The following RIPOR3 variants were observed in gnomAD, a reference collection of about 807,000 sequenced individuals.
RIPOR3 encodes the protein family with sequence similarity 65 member C.
RIPOR3 carries 95 observed loss-of-function variants against 114.3 expected under a neutral mutation model. The observed-to-expected ratio is 0.83, with a 90% confidence interval of 0.70 to 0.99. The LOEUF is 0.99. Among genes scored for constraint, RIPOR3 ranks in the 50% least tolerant of loss-of-function variants. RIPOR3 has a pLI of 0.00. For synonymous variants in RIPOR3, 575 were observed against 543.8 expected, an observed-to-expected ratio of 1.06 and a Z score of -0.80; for missense variants, 1,252 against 1,266.9, an observed-to-expected ratio of 0.99 and a Z score of 0.18.
rs187528729 is a variant in RIPOR3 at position 50,594,200 on chromosome 20, C to T, written c.2212+353G>A. ...CTGAGGCAGAAGAATCGCTTGAACC[C>T]GGGAGGTAGAGGTTGCAGTGAGCCA... On this transcript the variant is annotated intron_variant, in intron 17 of 21. Coordinates refer to ENST00000327979, the MANE Select transcript of RIPOR3 (RefSeq NM_001290268.2). Among the ~76,000 whole-genome samples, 44 of 149,732 alleles carry T rather than the reference C, an allele frequency of 2.9e-4. No homozygotes were observed. In the East Asian group the frequency reaches 4.1e-3, roughly 14 times the overall value.
rs1568806691 is a variant in RIPOR3, at chr20:50,587,261, C to T, written c.2824G>A (p.Glu942Lys). Residue 942 changes from glutamate to lysine, a missense_variant, in exon 22 of 22, where the codon GAG becomes AAG. Glu to Lys is a moderately conservative substitution (Grantham distance 56). Coordinates refer to ENST00000327979, the MANE Select transcript of RIPOR3 (RefSeq NM_001290268.2). Reference sequence around the variant, plus strand: ...AATATTGTGATTTCAACATCTGCCTCCTGGCAAAAGACTTCTCTTTGTTCT... The same window carrying T: ...AATATTGTGATTTCAACATCTGCCTTCTGGCAAAAGACTTCTCTTTGTTCT... ...CSEQREVFCQEADVEITIF is the reference protein window; with the variant it reads ...CSEQREVFCQKADVEITIF The T allele has an allele frequency of 4.3e-6, 7 of 1,614,212 alleles. No homozygotes were observed. Among genetic ancestry groups the T allele is most frequent in the Non-Finnish European group, 5.9e-6 (7 of 1,180,016 alleles).
rs1401461782 is a variant in RIPOR3 at position 50,587,807 on chromosome 20, G to A, written c.2747C>T (p.Ser916Leu). Reference protein sequence around the residue: ...VRAAARETTLSFGEKGRLAFE... With the variant: ...VRAAARETTLLFGEKGRLAFE... The stretch of plus-strand genomic sequence containing the variant: ...CAGTTTGTGCCACTTTTTACCGAAC[G>A]ACAGTGTGGTTTCCCGGGCTGCCGC... The change falls in exon 21 of 22, where the codon TCG becomes TTG. Residue 916 changes from serine to leucine, a missense_variant. Coordinates refer to ENST00000327979, the MANE Select transcript of RIPOR3 (RefSeq NM_001290268.2). 5 of 1,614,176 alleles carry A rather than the reference G, an allele frequency of 3.1e-6. No homozygotes were observed. Among genetic ancestry groups the A allele is most frequent in the Non-Finnish European group, 3.4e-6 (4 of 1,180,048 alleles).
intron 13 of RIPOR3, among the ~76,000 whole-genome samples, chr20:50,599,564 T>C (rs1211684050): frequency 6.6e-6 from 1 of 152,198 alleles, no homozygotes; most frequent in Non-Finnish European, 1.5e-5. Flanking sequence ...GCTCTGGGCT[T>C]GGGAGGCATT....
intron 14 of RIPOR3, chr20:50,597,375 C>T: frequency 1.5e-6 from 1 of 676,364 alleles, no homozygotes; most frequent in Non-Finnish European, 2.4e-6. Context: ...GGTGATCTCA[C>T]CCACTTCGTG....
intron 1 of RIPOR3, among the ~76,000 whole-genome samples, chr20:50,667,828 G>A (rs1286963102): frequency 6.6e-6 from 1 of 152,168 alleles, no homozygotes; most frequent in Non-Finnish European, 1.5e-5. Context: ...CATAGACCTG[G>A]GACACGTGCT....
rs753005467 is a variant in RIPOR3, at chr20:50,608,927, G to A, written c.669C>T (p.Pro223=). Residue 223 remains proline (P), a synonymous_variant, in exon 9 of 22, where the codon CCC becomes CCT. Transcript: ENST00000327979. The stretch of plus-strand genomic sequence containing the variant: ...GTGGCCGTACCTCATAGTGGTCTCC[G>A]GGACAGAGGCGTGCGTAGCCCACCA... ...KGLVGYARLC[P]GDHYEVLMRL... The A allele has an allele frequency of 6.0e-5, 95 of 1,591,974 alleles. No individual in the cohort carries two copies. The highest frequency in any genetic ancestry group is 7.4e-5 in the Non-Finnish European group (87 of 1,169,856).
chr20:50,648,331 TAA>T (rs60117235), intron 1 of RIPOR3, among the ~76,000 whole-genome samples: 39 of 136,500 alleles, frequency 2.9e-4, no homozygotes, highest in Non-Finnish European at 2.1e-4. Flanking sequence ...GGGGCTGCTG[TAA>T]AAAAAAAAAA....
chr20:50,633,250 A>G lies in RIPOR3; in HGVS notation c.4-2394T>C, dbSNP rs187037861. 1.7e-4 allele frequency among the ~76,000 whole-genome samples: 26 copies of G among 152,268 alleles called. No individual in the cohort carries two copies. The East Asian group carries it at 4.8e-3, about 28-fold the overall frequency. ...GCACTCCAGCCTGGGCAACAGAGCA[A>G]GACTCTGACTAAAAAAAACAAAAAA... On this transcript the variant is annotated intron_variant, in intron 1 of 21. Coordinates refer to ENST00000327979, the MANE Select transcript of RIPOR3 (RefSeq NM_001290268.2).
intron 19 of RIPOR3, 40 bp from the exon 20 acceptor site, chr20:50,589,809 G>A (rs761800960): frequency 5.1e-6 from 8 of 1,581,840 alleles, no homozygotes; most frequent in Non-Finnish European, 6.9e-6. Context: ...GGGGTAAGCA[G>A]AAGTGGAGTC....
intron 19 of RIPOR3, 59 bp from the exon 20 acceptor site, chr20:50,589,828 C>T (rs369475644): frequency 2.6e-5 from 39 of 1,518,162 alleles, no homozygotes; most frequent in Middle Eastern, 1.7e-4. Context: ...TCCATGGTTC[C>T]GGGTCCATCA....
chr20:50,628,008 C>T (rs1036777452), intron 2 of RIPOR3, among the ~76,000 whole-genome samples: 1 of 152,236 alleles, frequency 6.6e-6, no homozygotes. Flanking sequence ...GCCCCCTGGC[C>T]AGGTAACCCG....
chr20:50,673,906 T>C (rs2086604793), intron 1 of RIPOR3, among the ~76,000 whole-genome samples: 1 of 152,162 alleles, frequency 6.6e-6, no homozygotes, highest in Admixed American at 6.5e-5. Context: ...GAACCATTTT[T>C]CCATTTGTAG....
chr20:50,682,949 A>G (rs1048508443), intron 1 of RIPOR3, among the ~76,000 whole-genome samples: 1 of 151,966 alleles, frequency 6.6e-6, no homozygotes, highest in Non-Finnish European at 1.5e-5. Flanking sequence ...CTGGTCTCGA[A>G]CTCCTGACCT....
chr20:50,630,463 A>G (rs1280684718), intron 2 of RIPOR3, among the ~76,000 whole-genome samples: 1 of 152,184 alleles, frequency 6.6e-6, no homozygotes, highest in Non-Finnish European at 1.5e-5. Context: ...AAGCTCAGGC[A>G]GATCAACTTC....
At chr20:50,646,052 G>A (rs1222486771) in intron 1 of RIPOR3, among the ~76,000 whole-genome samples, 1 of 152,166 alleles carries the variant, frequency 6.6e-6, no homozygotes, top group East Asian at 1.9e-4. Flanking sequence ...ATCTATGCAG[G>A]GAGGCAGAAA....
rs149562293 is a variant in RIPOR3 at position 50,656,780 on chromosome 20, G to A, written c.4-25924C>T. Among the ~76,000 whole-genome samples, 667 of 152,298 alleles carry A rather than the reference G, an allele frequency of 4.4e-3. 8 individuals carry two copies. Among genetic ancestry groups the A allele is most frequent in the African/African-American group, 0.015 (618 of 41,564 alleles). ...CCCAAAGTGCTGGGATTACAGGCGT[G>A]AGCTACCGTGCCCGGCCAACTCACA... On this transcript the variant is annotated intron_variant, in intron 1 of 21. Coordinates refer to ENST00000327979, the MANE Select transcript of RIPOR3 (RefSeq NM_001290268.2).
In RIPOR3 at chr20:50,592,365, C is replaced by T. The variant is rs772976901; in HGVS notation, c.2556G>A (p.Arg852=). Residue 852 remains arginine (R), a synonymous_variant, in exon 19 of 22, where the codon AGG becomes AGA. Coordinates refer to ENST00000327979, the MANE Select transcript of RIPOR3 (RefSeq NM_001290268.2). ...AASARLAGAV[R]NRSFREKALL... ...GTACCTTTTCCCGGAAGCTTCTGTT[C>T]CTGACTGCACCAGCCAGGCGAGCGC... 5 of 1,594,292 alleles carry T rather than the reference C, an allele frequency of 3.1e-6. No individual in the cohort carries two copies. Among genetic ancestry groups the T allele is most frequent in the South Asian group, 1.1e-5 (1 of 89,464 alleles).
chr20:50,684,521 A>G, intron 1 of RIPOR3, among the ~76,000 whole-genome samples: 1 of 152,216 alleles, frequency 6.6e-6, no homozygotes, highest in East Asian at 1.9e-4. Flanking sequence ...AGGTGGGACC[A>G]GGGCTGGAGA....
At chr20:50,667,908 A>G (rs1180854054) in intron 1 of RIPOR3, among the ~76,000 whole-genome samples, 2 of 152,176 alleles carry the variant, frequency 1.3e-5, no homozygotes, top group African/African-American at 2.4e-5. Flanking sequence ...GAAAGGGGAT[A>G]CTAATACTGC....
Sources: gnomAD v4.1 joint callset for allele counts (sites outside exome capture counted in the v4.1 genomes callset) on GRCh38, gnomAD v4.1.1 for gene constraint, MANE v1.5 for transcripts, NCBI Gene and HGNC (gene_info 2026-07-23, HGNC 2026-07-21) for gene names.